ASTN2: variants seen among roughly 807,000 people sequenced by gnomAD.
ASTN2 encodes astrotactin-2.
ASTN2 carries 54 observed loss-of-function variants against 139.8 expected under a neutral mutation model. The ratio of observed to expected loss-of-function variants is 0.39; its 90% confidence interval spans 0.31 to 0.48. The LOEUF (loss-of-function observed/expected upper bound fraction) is 0.48, where lower values mean the gene tolerates loss of function less well. Among genes scored for constraint, ASTN2 ranks in the 20% least tolerant of loss-of-function variants. ASTN2 has a pLI of 0.95. For missense variants in ASTN2, 1,565 were observed against 1,725.1 expected, an observed-to-expected ratio of 0.91 and a Z score of 1.64; for synonymous variants, 756 against 719.5, an observed-to-expected ratio of 1.05 and a Z score of -0.81.
At chr9:116,882,325 G>A (rs948740585) in intron 10 of ASTN2, among the ~76,000 whole-genome samples, 1 of 152,202 alleles carries the variant, frequency 6.6e-6, no homozygotes, top group African/African-American at 2.4e-5. Flanking sequence ...GAAAGTTACT[G>A]TATGGATTTC....
At chr9:116,540,101 T>C (rs1447365401) in intron 19 of ASTN2, among the ~76,000 whole-genome samples, 1 of 152,182 alleles carries the variant, frequency 6.6e-6, no homozygotes, top group Non-Finnish European at 1.5e-5. Context: ...TTCCAGCCAA[T>C]GGCTAGCTGT....
intron 12 of ASTN2, among the ~76,000 whole-genome samples, chr9:116,808,070 T>C (rs1975428): frequency 0.3 from 44,911 of 152,042 alleles, 7,269 homozygotes; most frequent in African/African-American, 0.41. Context: ...GCCGAGATCA[T>C]GCCACTGCAC....
chr9:116,649,195 T>C (rs895574383), intron 17 of ASTN2, among the ~76,000 whole-genome samples: 3 of 152,150 alleles, frequency 2.0e-5, no homozygotes, highest in Non-Finnish European at 2.9e-5. Context: ...ATTTATTGCA[T>C]CTGTATTTAT....
chr9:116,786,927 A>C (rs886879059), intron 13 of ASTN2, among the ~76,000 whole-genome samples: 1 of 152,074 alleles, frequency 6.6e-6, no homozygotes, highest in Non-Finnish European at 1.5e-5. Flanking sequence ...GTCAGTTCTA[A>C]AGAGAGCTGG....
intron 7 of ASTN2, among the ~76,000 whole-genome samples, chr9:116,987,186 T>G (rs1185262174): frequency 6.6e-6 from 1 of 152,244 alleles, no homozygotes; most frequent in East Asian, 1.9e-4. Context: ...TCCCCAGTGC[T>G]GGGGGAAGGA....
At chr9:117,016,377 GA>G (rs1447416847) in intron 6 of ASTN2, among the ~76,000 whole-genome samples, 3 of 151,792 alleles carry the variant, frequency 2.0e-5, no homozygotes, top group African/African-American at 7.3e-5. Flanking sequence ...TAACTTCTAA[GA>G]GCTCAGAGTC....
intron 19 of ASTN2, chr9:116,610,975 CCATA>C (rs1355088410): frequency 6.6e-6 from 1 of 151,738 alleles, no homozygotes; most frequent in Non-Finnish European, 1.5e-5. Context: ...TATAAAATAC[CCATA>C]AATAAGTGGA....
intron 4 of ASTN2, among the ~76,000 whole-genome samples, chr9:117,103,209 T>C (rs886622508): frequency 1.3e-5 from 2 of 152,192 alleles, no homozygotes; most frequent in Non-Finnish European, 2.9e-5. Flanking sequence ...AAAGCCTCAA[T>C]AAAACAGACA....
At chr9:116,983,293 G>A (rs979031346) in intron 7 of ASTN2, among the ~76,000 whole-genome samples, 1 of 152,152 alleles carries the variant, frequency 6.6e-6, no homozygotes, top group Non-Finnish European at 1.5e-5. Flanking sequence ...AAAAGTATGG[G>A]TTGGGCATAA....
chr9:116,515,510 T>C (rs1850606994), intron 19 of ASTN2, among the ~76,000 whole-genome samples: 1 of 152,154 alleles, frequency 6.6e-6, no homozygotes, highest in Admixed American at 6.5e-5. Context: ...CTTGCTACTG[T>C]CCTGAGGAAG....
intron 11 of ASTN2, among the ~76,000 whole-genome samples, chr9:116,825,506 G>A (rs1588324958): frequency 1.3e-5 from 2 of 152,234 alleles, no homozygotes; most frequent in African/African-American, 4.8e-5. Context: ...TCCATGGAGA[G>A]GAACCAGAAT....
chr9:116,849,357 C>G (rs1404141397), intron 11 of ASTN2, among the ~76,000 whole-genome samples: 1 of 152,130 alleles, frequency 6.6e-6, no homozygotes, highest in Non-Finnish European at 1.5e-5. Context: ...CTTGGCCTTT[C>G]CTGTGACCAG....
chr9:117,080,975 G>T (rs987217240), intron 5 of ASTN2, among the ~76,000 whole-genome samples: 1 of 152,148 alleles, frequency 6.6e-6, no homozygotes, highest in Non-Finnish European at 1.5e-5. Flanking sequence ...GAGAGCCAAG[G>T]GGACTTTCCC....
intron 4 of ASTN2, among the ~76,000 whole-genome samples, chr9:117,098,820 G>A (rs1356024516): frequency 6.6e-6 from 1 of 151,520 alleles, no homozygotes; most frequent in Non-Finnish European, 1.5e-5. Context: ...GAAAAGAAGG[G>A]AGAAGGGCTG....
At chr9:117,220,111 A>G (rs1432279785) in intron 2 of ASTN2, among the ~76,000 whole-genome samples, 1 of 152,216 alleles carries the variant, frequency 6.6e-6, no homozygotes, top group African/African-American at 2.4e-5. Flanking sequence ...CTGGCACCAC[A>G]AAAGTCAACA....
At chr9:116,831,290 C>T (rs980385175) in intron 11 of ASTN2, among the ~76,000 whole-genome samples, 2 of 152,136 alleles carry the variant, frequency 1.3e-5, no homozygotes, top group African/African-American at 4.8e-5. Context: ...ATAATAAAAG[C>T]TCAAACTTCA....
At chr9:117,077,419 AGTAAGTAAGCTATAAG>A (rs1828309785) in intron 5 of ASTN2, among the ~76,000 whole-genome samples, 1 of 152,144 alleles carries the variant, frequency 6.6e-6, no homozygotes, top group East Asian at 1.9e-4. Flanking sequence ...GGAGCTATAA[AGTAAGTAAGCTATAAG>A]GTAAGTAAGC....
chr9:117,137,639 C>A (rs896934270), intron 4 of ASTN2, among the ~76,000 whole-genome samples: 7 of 152,044 alleles, frequency 4.6e-5, no homozygotes, highest in Non-Finnish European at 1.0e-4. Context: ...CAGGACTTCT[C>A]AGAGTTTTTA....
intron 10 of ASTN2, among the ~76,000 whole-genome samples, chr9:116,937,184 C>G (rs1588425583): frequency 6.6e-6 from 1 of 152,218 alleles, no homozygotes; most frequent in South Asian, 2.1e-4. Flanking sequence ...CCTTAAAATG[C>G]TTTCATGGTT....
Sources: allele counts gnomAD v4.1 joint callset (sites outside exome capture counted in the v4.1 genomes callset), GRCh38; gene constraint gnomAD v4.1.1; transcripts MANE v1.5; gene names NCBI Gene and HGNC (gene_info 2026-07-23, HGNC 2026-07-21).